The following COLQ variants were observed in gnomAD, a reference collection of about 807,000 sequenced individuals.
The protein encoded by COLQ is collagen like tail subunit of asymmetric acetylcholinesterase.
Under a neutral mutation model 69.0 loss-of-function variants are expected in COLQ, and 48 were observed. The ratio of observed to expected loss-of-function variants is 0.70; its 90% CI spans 0.55 to 0.88. COLQ has a LOEUF of 0.88. Among genes scored for constraint, COLQ ranks in the 40% least tolerant of loss-of-function variants. COLQ has a pLI of 0.00. For synonymous variants in COLQ, 217 were observed against 211.2 expected, an observed-to-expected ratio of 1.03 and a Z score of -0.24; for missense variants, 618 against 594.6, an observed-to-expected ratio of 1.04 and a Z score of -0.41.
At chr3:15,504,586 TG>T (rs533845283) in intron 1 of COLQ, among the ~76,000 whole-genome samples, 18 of 152,196 alleles carry the variant, frequency 1.2e-4, no homozygotes, top group Non-Finnish European at 2.4e-4. Context: ...TGGCTGGGCA[TG>T]GTGGCTCATG....
intron 16 of COLQ, 56 bp from the exon 17 acceptor site, chr3:15,451,769 C>A: frequency 6.7e-7 from 1 of 1,481,772 alleles, no homozygotes; most frequent in Non-Finnish European, 9.4e-7. Flanking sequence ...TGGTGACTTC[C>A]GGTCAAACCT....
intron 12 of COLQ, among the ~76,000 whole-genome samples, chr3:15,466,011 A>C (rs2062194552): frequency 6.6e-6 from 1 of 152,204 alleles, no homozygotes; most frequent in South Asian, 2.1e-4. Context: ...AATTGCTTGG[A>C]GCCATGACAC....
intron 13 of COLQ, among the ~76,000 whole-genome samples, chr3:15,456,883 C>T (rs1360744313): frequency 6.6e-6 from 1 of 151,780 alleles, no homozygotes. Flanking sequence ...AGTGAAGTAG[C>T]GTGATCTCGG....
chr3:15,458,499 G>A (rs1261532093), intron 12 of COLQ, among the ~76,000 whole-genome samples, 174 bp from the exon 13 acceptor site: 1 of 152,228 alleles, frequency 6.6e-6, no homozygotes, highest in Non-Finnish European at 1.5e-5. Flanking sequence ...GAGGAGCTAA[G>A]GTAAGAAAAA....
At chr3:15,484,275 G>T (rs1179686883) in intron 3 of COLQ, among the ~76,000 whole-genome samples, 1 of 152,182 alleles carries the variant, frequency 6.6e-6, no homozygotes, top group Non-Finnish European at 1.5e-5. Context: ...TTGTTATTTT[G>T]CTCATTAGTT....
chr3:15,486,252 C>A (rs559858971), intron 3 of COLQ, among the ~76,000 whole-genome samples: 1 of 152,176 alleles, frequency 6.6e-6, no homozygotes, highest in Admixed American at 6.5e-5. Flanking sequence ...GCAGATGACC[C>A]ACTCCGTTCA....
intron 1 of COLQ, among the ~76,000 whole-genome samples, chr3:15,512,420 G>A (rs1410848055): frequency 1.3e-5 from 2 of 152,176 alleles, no homozygotes; most frequent in Non-Finnish European, 2.9e-5. Flanking sequence ...AATGCTCCTG[G>A]GCTGGGAGAT....
chr3:15,452,192 G>C (rs1265127052), intron 16 of COLQ, among the ~76,000 whole-genome samples: 1 of 151,464 alleles, frequency 6.6e-6, no homozygotes, highest in Non-Finnish European at 1.5e-5. Flanking sequence ...TCAGCTTCCT[G>C]AGTACCTGGG....
At chr3:15,452,042 T>C (rs1374799012) in intron 16 of COLQ, among the ~76,000 whole-genome samples, 1 of 151,224 alleles carries the variant, frequency 6.6e-6, no homozygotes, top group Admixed American at 6.6e-5. Flanking sequence ...GCTCTTGAAA[T>C]GTAGTTACTG....
chr3:15,485,783 C>A (rs900134594), intron 3 of COLQ, among the ~76,000 whole-genome samples: 1 of 152,120 alleles, frequency 6.6e-6, no homozygotes, highest in Admixed American at 6.5e-5. Context: ...TGTGTTGAGA[C>A]CCTGTCTCTA....
chr3:15,461,326 G>A (rs1412658487), intron 12 of COLQ, among the ~76,000 whole-genome samples: 1 of 152,048 alleles, frequency 6.6e-6, no homozygotes. Context: ...AACAGGATGT[G>A]GCAGGGAGCC....
At chr3:15,478,279 T>C (rs1290934679) in intron 5 of COLQ, among the ~76,000 whole-genome samples, 1 of 152,260 alleles carries the variant, frequency 6.6e-6, no homozygotes, top group Non-Finnish European at 1.5e-5. Flanking sequence ...TGCAAAAGTC[T>C]GTTTAAGGAT....
intron 12 of COLQ, among the ~76,000 whole-genome samples, chr3:15,462,037 A>G (rs1353672846): frequency 6.7e-6 from 1 of 149,128 alleles, no homozygotes; most frequent in African/African-American, 2.6e-5. Context: ...TTATTTATTT[A>G]TTTATTTTTG....
intron 7 of COLQ, 67 bp downstream of exon 7, chr3:15,475,358 T>C (rs2062361512): frequency 4.1e-6 from 6 of 1,457,450 alleles, no homozygotes; most frequent in Admixed American, 3.9e-5. Flanking sequence ...GTCCCTATGT[T>C]TGTAGACAGC....
chr3:15,513,963 A>G (rs970793633), intron 1 of COLQ, among the ~76,000 whole-genome samples: 1 of 152,230 alleles, frequency 6.6e-6, no homozygotes, highest in Non-Finnish European at 1.5e-5. Flanking sequence ...AAGGGTCATT[A>G]TAAGAGACAG....
chr3:15,518,657 G>C (rs986140186), intron 1 of COLQ, among the ~76,000 whole-genome samples: 5 of 152,212 alleles, frequency 3.3e-5, no homozygotes, highest in African/African-American at 1.2e-4. Context: ...CTTGAAGACA[G>C]TGAAGGAGTG....
intron 4 of COLQ, 117 bp downstream of exon 4, chr3:15,479,221 C>A: frequency 1.6e-6 from 2 of 1,238,770 alleles, no homozygotes; most frequent in Non-Finnish European, 2.4e-6. Flanking sequence ...CAGCCTCTCA[C>A]CAAGGCAGAG....
intron 11 of COLQ, 111 bp downstream of exon 11, chr3:15,470,420 TGCTGG>T (rs2062261375): frequency 2.1e-5 from 19 of 915,966 alleles, no homozygotes; most frequent in Non-Finnish European, 3.5e-5. Context: ...GCCCAGAGGA[TGCTGG>T]AGTCAAGGTC....
intron 13 of COLQ, 79 bp downstream of exon 13, chr3:15,458,107 G>A: frequency 6.6e-7 from 1 of 1,523,552 alleles, no homozygotes; most frequent in Non-Finnish European, 9.1e-7. Context: ...TTTACTGAAA[G>A]GATTTTACAA....
Sources: allele counts gnomAD v4.1 joint callset (sites outside exome capture counted in the v4.1 genomes callset), GRCh38; gene constraint gnomAD v4.1.1; transcripts MANE v1.5; gene names NCBI Gene and HGNC (gene_info 2026-07-23, HGNC 2026-07-21).